The following MARCHF11 variants were observed in gnomAD, a reference collection of about 807,000 sequenced individuals.
The protein encoded by MARCHF11 is membrane associated ring-CH-type finger 11.
Under a neutral mutation model 37.3 loss-of-function variants are expected in MARCHF11, and 29 were observed. The observed-to-expected ratio is 0.78, with a 90% confidence interval of 0.58 to 1.06. MARCHF11 has a LOEUF of 1.06. Among genes scored for constraint, MARCHF11 ranks in the 50% least tolerant of loss-of-function variants. The pLI is 0.00. For missense variants in MARCHF11, 482 were observed against 533.4 expected (o/e 0.90, Z 0.95); for synonymous variants, 233 against 228.0 (o/e 1.02, Z -0.20).
At chr5:16,096,125 T>C (rs1297737253) in intron 2 of MARCHF11, among the ~76,000 whole-genome samples, 2 of 152,150 alleles carry the variant, frequency 1.3e-5, no homozygotes, top group Non-Finnish European at 2.9e-5. Context: ...CTTAATTCCC[T>C]ACTTAAACTG....
intron 2 of MARCHF11, among the ~76,000 whole-genome samples, chr5:16,120,558 G>T (rs1411467680): frequency 6.6e-6 from 1 of 152,214 alleles, no homozygotes; most frequent in Admixed American, 6.5e-5. Flanking sequence ...TGAACAAAAT[G>T]TAAACTTACA....
chr5:16,093,133 T>C (rs936581584), intron 2 of MARCHF11, among the ~76,000 whole-genome samples: 2 of 152,168 alleles, frequency 1.3e-5, no homozygotes, highest in Non-Finnish European at 2.9e-5. Flanking sequence ...TTTAAGTCCA[T>C]GAAGCGTGTT....
intron 2 of MARCHF11, among the ~76,000 whole-genome samples, chr5:16,171,070 A>G (rs1282513524): frequency 6.6e-6 from 1 of 152,150 alleles, no homozygotes; most frequent in Non-Finnish European, 1.5e-5. Context: ...TTTAATATTT[A>G]ATACGGAAAA....
At chr5:16,147,715 G>A (rs771044797) in intron 2 of MARCHF11, among the ~76,000 whole-genome samples, 64 of 152,126 alleles carry the variant, frequency 4.2e-4, no homozygotes, top group African/African-American at 1.5e-3. Context: ...TTCCTGGACA[G>A]TGGGATCTAC....
At chr5:16,074,740 AC>A (rs1449908940) in intron 3 of MARCHF11, among the ~76,000 whole-genome samples, 3 of 152,150 alleles carry the variant, frequency 2.0e-5, no homozygotes, top group Admixed American at 2.0e-4. Context: ...TGACAATAAA[AC>A]CCTTGACACA....
Position 16,126,729 on chromosome 5 carries a change from G to C in MARCHF11, c.694-35648C>G, listed in dbSNP as rs1360774018. ...AGTTTCTCATGCAATGGGACACACA[G>C]GGTTAAGATTCTAATGAGTGCTGAC... On this transcript the variant is annotated intron_variant, in intron 2 of 3. Transcript: ENST00000332432. Among the ~76,000 whole-genome samples the C allele has an allele frequency of 2.0e-5, 3 of 152,266 alleles. No individual in the cohort carries two copies. The East Asian group carries it at 5.8e-4, about 29-fold the overall frequency.
intron 2 of MARCHF11, among the ~76,000 whole-genome samples, chr5:16,107,368 G>A (rs1342578870): frequency 6.6e-6 from 1 of 151,072 alleles, no homozygotes; most frequent in Non-Finnish European, 1.5e-5. Context: ...CCATATGATT[G>A]CTTTTTAGTC....
At chr5:16,157,279 T>C (rs777484041) in intron 2 of MARCHF11, among the ~76,000 whole-genome samples, 25 of 151,936 alleles carry the variant, frequency 1.6e-4, no homozygotes, top group Non-Finnish European at 2.9e-4. Flanking sequence ...CAAAGTAATC[T>C]ACAAATTCAA....
chr5:16,067,602 T>C lies in MARCHF11; in HGVS notation c.1078A>G (p.Thr360Ala). Residue 360 changes from threonine (T) to alanine (A), a missense_variant, in exon 4 of 4, where the codon ACT (threonine) becomes GCT (alanine). Transcript: ENST00000332432. ...ALRNRNLVHPTQLTSPRFQCG... is the reference protein window; with the variant it reads ...ALRNRNLVHPAQLTSPRFQCG... ...TGAAACCTTGGTGAGGTTAACTGAG[T>C]TGGGTGGACCAAGTTTCTGTTCCGC... The C allele has an allele frequency of 6.2e-7, 1 of 1,613,776 alleles. No homozygotes were observed. The highest frequency in any genetic ancestry group is 8.5e-7 in the Non-Finnish European group (1 of 1,179,828).
At chr5:16,096,665 G>T (rs190837716) in intron 2 of MARCHF11, among the ~76,000 whole-genome samples, 1 of 152,138 alleles carries the variant, frequency 6.6e-6, no homozygotes, top group Non-Finnish European at 1.5e-5. Context: ...TGCCTTCAGC[G>T]AATAAAGGAG....
chr5:16,097,235 A>G (rs1736883801), intron 2 of MARCHF11, among the ~76,000 whole-genome samples: 1 of 152,228 alleles, frequency 6.6e-6, no homozygotes, highest in African/African-American at 2.4e-5. Context: ...TGTGTAATCA[A>G]GTTGACATGT....
chr5:16,120,666 C>A (rs1290451825), intron 2 of MARCHF11, among the ~76,000 whole-genome samples: 2 of 152,248 alleles, frequency 1.3e-5, no homozygotes, highest in East Asian at 3.9e-4. Flanking sequence ...CAGCTCCTCC[C>A]ATCAAGAGCT....
chr5:16,175,442 C>T (rs1340516613), intron 2 of MARCHF11, among the ~76,000 whole-genome samples: 1 of 152,118 alleles, frequency 6.6e-6, no homozygotes, highest in Non-Finnish European at 1.5e-5. Flanking sequence ...CACTTTCCAA[C>T]AGGGCGGCTA....
intron 2 of MARCHF11, among the ~76,000 whole-genome samples, chr5:16,150,560 AAC>A (rs1737873290): frequency 6.7e-6 from 1 of 149,476 alleles, no homozygotes; most frequent in Non-Finnish European, 1.5e-5. Context: ...GGCCTTTTGT[AAC>A]AGTGTAATGG....
intron 2 of MARCHF11, among the ~76,000 whole-genome samples, chr5:16,153,418 A>T (rs1737920012): frequency 6.6e-6 from 1 of 151,948 alleles, no homozygotes; most frequent in Non-Finnish European, 1.5e-5. Flanking sequence ...AACTCAATGA[A>T]GCCTCTGACT....
At position 16,067,695 on chromosome 5, in the gene MARCHF11, C is replaced by G; in HGVS notation, c.985G>C (p.Asp329His). ...TCTCCCCGGCTGCTTTCTTCGATGT[C>G]TGTGGCTTTGTCATAATTTAACACA... ...WDVLNYDKAT[D>H]IEESSRGESS... Residue 329 changes from aspartate (D) to histidine (H), a missense_variant, in exon 4 of 4, where the codon GAC (aspartate) becomes CAC (histidine). Physicochemically the swap from Asp to His is moderately conservative, Grantham distance 81. Transcript: ENST00000332432. 4 of 1,613,934 alleles carry G rather than the reference C, an allele frequency of 2.5e-6. No individual in the cohort carries two copies. The highest frequency in any genetic ancestry group is 3.4e-6 in the Non-Finnish European group (4 of 1,179,858).
intron 2 of MARCHF11, among the ~76,000 whole-genome samples, chr5:16,135,471 A>G (rs1256205691): frequency 6.6e-6 from 1 of 152,180 alleles, no homozygotes; most frequent in Non-Finnish European, 1.5e-5. Flanking sequence ...AATTCCCTCC[A>G]CCCTATTGGC....
chr5:16,114,269 T>G (rs139626374), intron 2 of MARCHF11, among the ~76,000 whole-genome samples: 6 of 152,192 alleles, frequency 3.9e-5, no homozygotes, highest in African/African-American at 1.4e-4. Flanking sequence ...AATTCTAATA[T>G]TTTATATCGA....
intron 3 of MARCHF11, among the ~76,000 whole-genome samples, chr5:16,072,775 TGA>T (rs1736460745): frequency 6.6e-6 from 1 of 151,958 alleles, no homozygotes; most frequent in South Asian, 2.1e-4. Flanking sequence ...GGGCTGGGGG[TGA>T]GTGTGGCTTC....
Sources: allele counts gnomAD v4.1 joint callset (sites outside exome capture counted in the v4.1 genomes callset), GRCh38; gene constraint gnomAD v4.1.1; transcripts MANE v1.5; gene names NCBI Gene and HGNC (gene_info 2026-07-23, HGNC 2026-07-21).